The following BCAS1 variants were observed in gnomAD, a reference collection of about 807,000 sequenced individuals.
BCAS1 encodes brain enriched myelin associated protein 1, also known as breast carcinoma-amplified sequence 1.
In BCAS1, 46 loss-of-function variants were observed where a neutral mutation model predicts 65.4. The observed-to-expected ratio is 0.70, with a 90% confidence interval of 0.55 to 0.90. The LOEUF is 0.90. Ranked by LOEUF, BCAS1 falls within the 40% of genes least tolerant of loss-of-function variation. The pLI is 0.00. For synonymous variants in BCAS1, 298 were observed against 293.5 expected (o/e 1.02, Z -0.16); for missense variants, 793 against 771.2 (o/e 1.03, Z -0.33).
At chr20:53,985,994 C>T (rs1382364654) in intron 7 of BCAS1, among the ~76,000 whole-genome samples, 1 of 152,172 alleles carries the variant, frequency 6.6e-6, no homozygotes, top group Non-Finnish European at 1.5e-5. Flanking sequence ...TCTCCATACT[C>T]CACTTTGGGG....
chr20:53,985,436 G>C lies in BCAS1; in HGVS notation c.1126C>G (p.Gln376Glu), dbSNP rs893675030. The change falls in exon 8 of 13, where the codon CAG becomes GAG. Residue 376 changes from glutamine to glutamate, a missense_variant. By Grantham distance (29) the Gln-to-Glu change is conservative. Coordinates refer to ENST00000688948, the MANE Select transcript of BCAS1 (RefSeq NM_001366298.2). ...LKSDKANFTS[Q>E]ETQGAGKNSK... ...TTCTTGCCAGCCCCTTGGGTCTCCT[G>C]GGATGTAAAGTTGGCTTTGTCTGAC... The C allele has an allele frequency of 8.7e-6, 14 of 1,613,946 alleles. No individual in the cohort carries two copies. Among genetic ancestry groups the C allele is most frequent in the Admixed American group, 1.7e-5 (1 of 60,000 alleles).
In BCAS1 at chr20:54,036,309, A is replaced by G. The variant is rs151120674; in HGVS notation, c.143-7337T>C. On this transcript the variant is annotated intron_variant, in intron 3 of 12. Transcript: ENST00000688948. ...ATTTTTAAAAAAGTCAAAGAATTTA[A>G]GGAAAATTAAAAAGAAATCAAGAAT... is the stretch of plus-strand genomic sequence containing the variant. Among the ~76,000 whole-genome samples the G allele has an allele frequency of 2.2e-3, 339 of 151,572 alleles. 9 individuals carry two copies. Among genetic ancestry groups the G allele is most frequent in the Middle Eastern group, 0.014 (4 of 290 alleles).
At chr20:53,976,031 G>A (rs1189632217) in intron 8 of BCAS1, among the ~76,000 whole-genome samples, 1 of 152,200 alleles carries the variant, frequency 6.6e-6, no homozygotes, top group Non-Finnish European at 1.5e-5. Context: ...AAACATGTCT[G>A]TGGAAGGCTA....
At chr20:53,956,661 C>CA (rs143693739) in intron 11 of BCAS1, among the ~76,000 whole-genome samples, 6,365 of 131,034 alleles carry the variant, frequency 0.049, 347 homozygotes, top group African/African-American at 0.14. Context: ...AGTCACACAG[C>CA]AAAAAAAAAA....
chr20:54,000,210 G>T (rs538259985), intron 4 of BCAS1, among the ~76,000 whole-genome samples: 4 of 152,128 alleles, frequency 2.6e-5, no homozygotes, highest in African/African-American at 7.2e-5. Context: ...ACATTTTTTT[G>T]ATTGTCACGA....
intron 3 of BCAS1, among the ~76,000 whole-genome samples, chr20:54,046,297 AGGTG>A (rs1232621280): frequency 6.6e-6 from 1 of 152,064 alleles, no homozygotes; most frequent in Admixed American, 6.6e-5. Flanking sequence ...TGGGAGGCCA[AGGTG>A]GGTGGATCAC....
chr20:53,980,131 T>G (rs2090440498), intron 8 of BCAS1, among the ~76,000 whole-genome samples: 1 of 152,222 alleles, frequency 6.6e-6, no homozygotes, highest in African/African-American at 2.4e-5. Context: ...TGTTGACCTT[T>G]GAAAACCAAA....
chr20:53,980,583 T>C (rs1396445674), intron 8 of BCAS1, among the ~76,000 whole-genome samples: 6 of 152,230 alleles, frequency 3.9e-5, no homozygotes, highest in Non-Finnish European at 1.5e-5. Context: ...TCTTCTTTAA[T>C]TTCTAGGTCT....
chr20:54,066,230 G>T (rs1056089896), intron 1 of BCAS1, among the ~76,000 whole-genome samples: 2 of 152,108 alleles, frequency 1.3e-5, no homozygotes, highest in Admixed American at 6.5e-5. Context: ...CTGCCACCAC[G>T]CCCGGCTAAT....
intron 1 of BCAS1, among the ~76,000 whole-genome samples, chr20:54,060,053 G>T (rs947252190): frequency 1.3e-5 from 2 of 152,194 alleles, no homozygotes; most frequent in Non-Finnish European, 2.9e-5. Flanking sequence ...AAACGAGGTT[G>T]TTTCTGATAG....
intron 1 of BCAS1, among the ~76,000 whole-genome samples, chr20:54,065,538 C>T (rs993632089): frequency 1.3e-5 from 2 of 152,178 alleles, no homozygotes; most frequent in Admixed American, 6.5e-5. Context: ...TGCCAAGGAC[C>T]GCCCCCTTCC....
At position 53,992,555 on chromosome 20, in the gene BCAS1, CT is replaced by C; in HGVS notation, c.1018del (p.Ser340AlafsTer4). 2 of 1,365,100 alleles carry C rather than the reference CT, an allele frequency of 1.5e-6. No individual in the cohort carries two copies. Among genetic ancestry groups the C allele is most frequent in the Non-Finnish European group, 2.0e-6 (2 of 1,021,602 alleles). 84.6% of individuals were successfully genotyped at this position (1,365,100 alleles called of 1,614,324 possible). A position where few individuals can be genotyped will look rare whatever the true frequency, so the allele number is the denominator to read the frequency against. On this transcript the variant is annotated frameshift_variant, in exon 7 of 13. Coordinates refer to ENST00000688948, the MANE Select transcript of BCAS1 (RefSeq NM_001366298.2). LOFTEE classifies it high-confidence loss of function. The stretch of plus-strand genomic sequence containing the variant: ...TCTAAAGGCGAGTCCTAGCCTGGGG[CT>C]ATCCAGGTGCTTTTTCTTGGTGCCT... Reference protein sequence around the residue: ...ARGTKKKHLDSPRLGLAFRKF... With the variant: ...ARGTKKKHLDXPRLGLAFRKF...
At chr20:54,054,257 G>T (rs527691684) in intron 3 of BCAS1, among the ~76,000 whole-genome samples, 50 of 152,114 alleles carry the variant, frequency 3.3e-4, no homozygotes, top group Admixed American at 5.9e-4. Flanking sequence ...GAGCCAAACC[G>T]TATCACCAAT....
intron 3 of BCAS1, among the ~76,000 whole-genome samples, chr20:54,052,706 G>T (rs534162292): frequency 6.6e-6 from 1 of 152,114 alleles, no homozygotes; most frequent in Admixed American, 6.5e-5. Flanking sequence ...ACAGCAAGGC[G>T]CCATCTTGGA....
chr20:53,981,712 C>T (rs1164660599), intron 8 of BCAS1, among the ~76,000 whole-genome samples: 2 of 151,946 alleles, frequency 1.3e-5, no homozygotes, highest in Non-Finnish European at 2.9e-5. Context: ...CTTCAGAGTG[C>T]ACATTATTTT....
intron 9 of BCAS1, among the ~76,000 whole-genome samples, chr20:53,968,820 T>G (rs1488999074): frequency 6.6e-6 from 1 of 152,166 alleles, no homozygotes; most frequent in Non-Finnish European, 1.5e-5. Flanking sequence ...GTTAAATGAT[T>G]AAAAATGCTG....
intron 12 of BCAS1, among the ~76,000 whole-genome samples, chr20:53,950,476 C>T (rs1032409680): frequency 4.6e-5 from 7 of 151,924 alleles, no homozygotes; most frequent in Admixed American, 3.9e-4. Context: ...GCACACACCC[C>T]CCCATCCATA....
chr20:54,054,040 G>A (rs1011857341), intron 3 of BCAS1, among the ~76,000 whole-genome samples: 5 of 152,188 alleles, frequency 3.3e-5, no homozygotes, highest in African/African-American at 1.2e-4. Flanking sequence ...AAGAGCAAAG[G>A]GATGTCTTAC....
chr20:54,055,197 A>G (rs2092278458), intron 3 of BCAS1, among the ~76,000 whole-genome samples: 1 of 152,208 alleles, frequency 6.6e-6, no homozygotes, highest in Non-Finnish European at 1.5e-5. Context: ...CAAAATGAGA[A>G]TGTAAACTGG....
Sources: allele counts gnomAD v4.1 joint callset (sites outside exome capture counted in the v4.1 genomes callset), GRCh38; gene constraint gnomAD v4.1.1; transcripts MANE v1.5; gene names NCBI Gene and HGNC (gene_info 2026-07-23, HGNC 2026-07-21).